Variants in ITPRID2 observed in about 807,000 individuals in gnomAD.
ITPRID2 encodes the protein protein ITPRID2.
Under a neutral mutation model 124.3 loss-of-function variants are expected in ITPRID2, and 60 were observed. The observed-to-expected ratio is 0.48, with a 90% CI of 0.39 to 0.60. ITPRID2 has a LOEUF of 0.60. Ranked by LOEUF, ITPRID2 falls within the 20% of genes least tolerant of loss-of-function variation. The pLI is 0.00. For missense variants in ITPRID2, 1,553 were observed against 1,512.2 expected, an observed-to-expected ratio of 1.03 and a Z score of -0.45; for synonymous variants, 521 against 542.9, an observed-to-expected ratio of 0.96 and a Z score of 0.56.
Position 181,929,604 on chromosome 2 carries a change from T to C in ITPRID2, c.*57T>C, listed in dbSNP as rs765805254. The C allele has an allele frequency of 6.2e-7, 1 of 1,613,246 alleles. No individual in the cohort carries two copies. The highest frequency in any genetic ancestry group is 8.5e-7 in the Non-Finnish European group (1 of 1,179,490). On this transcript the variant is annotated 3_prime_UTR_variant, in exon 18 of 18. Coordinates refer to ENST00000431877, the MANE Select transcript of ITPRID2 (RefSeq NM_001130445.3). ...AGCTGTGTAATACTGGAATTATCAATGATATGCACTGGTGGAGGTGTTATT... is the reference window on the plus strand; with the variant it reads ...AGCTGTGTAATACTGGAATTATCAACGATATGCACTGGTGGAGGTGTTATT...
rs1364436720 is a variant in ITPRID2 at position 181,920,816 on chromosome 2, A to T, written c.3210+154A>T. ...AAGTGACTTTCACCTTTGAAAGTCCATTGCTGTCTGAAGCCACTAGAAAGC... is the reference window on the plus strand; with the variant it reads ...AAGTGACTTTCACCTTTGAAAGTCCTTTGCTGTCTGAAGCCACTAGAAAGC... On this transcript the variant is annotated intron_variant, in intron 15 of 17. Transcript: ENST00000431877. Among the ~76,000 whole-genome samples the T allele has an allele frequency of 2.6e-5, 4 of 152,344 alleles. No individual in the cohort carries two copies. The East Asian group carries it at 7.7e-4, about 29-fold the overall frequency.
At chr2:181,899,181 A>T (rs1013632125) in intron 6 of ITPRID2, 69 bp downstream of exon 6, 7 of 1,159,686 alleles carry the variant, frequency 6.0e-6, no homozygotes, top group Non-Finnish European at 7.4e-6. Flanking sequence ...CATTTTTTCA[A>T]TCTTGGATTT....
chr2:181,918,817 G>A lies in ITPRID2; in HGVS notation c.2928G>A (p.Met976Ile), dbSNP rs768618511. The A allele has an allele frequency of 1.9e-6, 3 of 1,614,162 alleles. No individual in the cohort carries two copies. Among genetic ancestry groups the A allele is most frequent in the South Asian group, 2.2e-5 (2 of 91,088 alleles). The change falls in exon 13 of 18, where the codon ATG becomes ATA. Residue 976 changes from methionine (M) to isoleucine (I), a missense_variant. Physicochemically the swap from Met to Ile is conservative, Grantham distance 10. Coordinates refer to ENST00000431877, the MANE Select transcript of ITPRID2 (RefSeq NM_001130445.3). ...RSLNLFRTQM[M>I]DLELAMLRQQ... ...TGAATTTGTTTAGAACACAAATGAT[G>A]GATTTAGAATTGGCAATGCTGCGTC...
intron 16 of ITPRID2, among the ~76,000 whole-genome samples, chr2:181,923,906 C>T (rs949932838): frequency 1.4e-4 from 22 of 152,064 alleles, no homozygotes; most frequent in African/African-American, 5.3e-4. Context: ...TTATAAGACA[C>T]AGCATATAGA....
At chr2:181,918,034 C>G (rs1694208951) in intron 11 of ITPRID2, 1 of 152,698 alleles carries the variant, frequency 6.5e-6, no homozygotes, top group South Asian at 2.1e-4. Flanking sequence ...TGGGAAAGTT[C>G]ACGTAATCTG....
Position 181,929,670 on chromosome 2 carries a change from A to T in ITPRID2, c.*123A>T. The T allele has an allele frequency of 1.3e-6, 2 of 1,572,042 alleles. No homozygotes were observed. The highest frequency in any genetic ancestry group is 1.7e-6 in the Non-Finnish European group (2 of 1,145,286). The stretch of plus-strand genomic sequence containing the variant: ...ACTTGCTGTTGAGCTGGGCTACTGT[A>T]TACAGTGTACAATGTGTATTTCTTC... On this transcript the variant is annotated 3_prime_UTR_variant, in exon 18 of 18. Transcript: ENST00000431877.
chr2:181,909,876 A>G (rs374758716), intron 8 of ITPRID2, 23 bp from the exon 9 acceptor site: 3 of 1,597,320 alleles, frequency 1.9e-6, no homozygotes, highest in Admixed American at 1.7e-5. Context: ...ATTTGGTTTT[A>G]ACTACTTAAA....
rs1266291660 is a variant in ITPRID2 at position 181,907,553 on chromosome 2, A to G, written c.1414-2346A>G. Among the ~76,000 whole-genome samples the G allele has an allele frequency of 6.6e-6, 1 of 152,046 alleles. No homozygotes were observed. The highest frequency in any genetic ancestry group is 1.5e-5 in the Non-Finnish European group (1 of 68,006). ...TGAACACCCATTACTCATCATTCTAATTCAGTTTTATTTGGCTATTCTTGT... is the reference window on the plus strand; with the variant it reads ...TGAACACCCATTACTCATCATTCTAGTTCAGTTTTATTTGGCTATTCTTGT... On this transcript the variant is annotated intron_variant, in intron 8 of 17. Transcript: ENST00000431877. This position sits in a 1 kb window ranked among gnomAD's most constrained non-coding sequence, Gnocchi z 5.1.
Position 181,922,201 on chromosome 2 carries a change from T to TA in ITPRID2, c.3466dup (p.Thr1156AsnfsTer7). ...AAAGTGTTCCGAGCATCGGTGGCTC[T>TA]AACGCCAACAGCTCCTTCTAGAACA... On this transcript the variant is annotated frameshift_variant, in exon 16 of 18. Transcript: ENST00000431877. LOFTEE classifies it high-confidence loss of function. The TA allele has an allele frequency of 6.2e-7, 1 of 1,614,256 alleles. No homozygotes were observed. Among genetic ancestry groups the TA allele is most frequent in the Non-Finnish European group, 8.5e-7 (1 of 1,180,038 alleles).
intron 15 of ITPRID2, among the ~76,000 whole-genome samples, chr2:181,921,364 G>A (rs1411829919): frequency 6.6e-6 from 1 of 151,928 alleles, no homozygotes; most frequent in Non-Finnish European, 1.5e-5. Context: ...TGTAATCCCA[G>A]CTACTTGGGA....
intron 16 of ITPRID2, among the ~76,000 whole-genome samples, chr2:181,926,432 G>A (rs1241240974): frequency 2.0e-5 from 3 of 151,930 alleles, no homozygotes; most frequent in South Asian, 2.1e-4. Context: ...ACATTTTGGC[G>A]ACTGGGCGCG....
At chr2:181,922,458 A>G in intron 16 of ITPRID2, 46 bp downstream of exon 16, 2 of 1,465,788 alleles carry the variant, frequency 1.4e-6, no homozygotes, top group South Asian at 1.4e-5. Flanking sequence ...GGTATATGTT[A>G]GAGGAGATTT....
intron 2 of ITPRID2, chr2:181,894,413 A>G (rs556818447): frequency 1.3e-5 from 2 of 152,264 alleles, no homozygotes; most frequent in African/African-American, 2.4e-5. Context: ...AGTTGCACCT[A>G]TTCTACACAA....
intron 9 of ITPRID2, among the ~76,000 whole-genome samples, chr2:181,913,574 A>G (rs1007624865): frequency 6.6e-6 from 1 of 152,238 alleles, no homozygotes; most frequent in African/African-American, 2.4e-5. Context: ...AAAATAGATT[A>G]TAATTAGAGC....
At chr2:181,909,860 A>C (rs781728105) in intron 8 of ITPRID2, 39 bp from the exon 9 acceptor site, 1 of 1,488,206 alleles carries the variant, frequency 6.7e-7, no homozygotes, top group Non-Finnish European at 9.4e-7. Flanking sequence ...TGTTTGCCTT[A>C]GATTCATTTG....
chr2:181,929,574 C>A lies in ITPRID2; in HGVS notation c.*27C>A, dbSNP rs140160162. 7.0e-5 allele frequency: 113 copies of A among 1,611,520 alleles called. No homozygotes were observed. The highest frequency in any genetic ancestry group is 9.2e-5 in the Non-Finnish European group (108 of 1,178,404). ...TTCTTTTTTAAGGTTGGCATGGATC[C>A]TATTAGCTGTGTAATACTGGAATTA... On this transcript the variant is annotated 3_prime_UTR_variant, in exon 18 of 18. Coordinates refer to ENST00000431877, the MANE Select transcript of ITPRID2 (RefSeq NM_001130445.3).
At chr2:181,897,028 T>G in intron 4 of ITPRID2, 64 bp downstream of exon 4, 1 of 1,410,346 alleles carries the variant, frequency 7.1e-7, no homozygotes, top group Non-Finnish European at 1.0e-6. Context: ...ATGAGAAAGC[T>G]GAATGGTTTC....
chr2:181,900,663 T>A (rs747536466), intron 6 of ITPRID2, 33 bp from the exon 7 acceptor site: 1 of 1,454,612 alleles, frequency 6.9e-7, no homozygotes, highest in Non-Finnish European at 9.5e-7. Flanking sequence ...TTTTATATTT[T>A]CATGTTTCCT....
At chr2:181,923,572 C>T (rs1012747341) in intron 16 of ITPRID2, among the ~76,000 whole-genome samples, 7 of 152,146 alleles carry the variant, frequency 4.6e-5, no homozygotes, top group African/African-American at 1.7e-4. Context: ...GATTAATAAT[C>T]CATTCCTGTT....
Sources: allele counts gnomAD v4.1 joint callset (sites outside exome capture counted in the v4.1 genomes callset), GRCh38; gene constraint gnomAD v4.1.1; non-coding constraint Gnocchi (gnomAD v3.1); transcripts MANE v1.5; gene names NCBI Gene and HGNC (gene_info 2026-07-23, HGNC 2026-07-21).